The following FSIP2 variants were observed in gnomAD, a reference collection of about 807,000 sequenced individuals.
The protein encoded by FSIP2 is fibrous sheath interacting protein 2, also known as fibrous sheath-interacting protein 2.
Under a neutral mutation model 510.5 loss-of-function variants are expected in FSIP2, and 367 were observed. The ratio of observed to expected loss-of-function variants is 0.72; its 90% CI spans 0.66 to 0.78. The LOEUF (loss-of-function observed/expected upper bound fraction) is 0.78. Ranked by LOEUF, FSIP2 falls within the 30% of genes least tolerant of loss-of-function variation. The probability of loss-of-function intolerance (pLI) is 0.00; values close to 1 mark genes in which losing one functional copy is unlikely to be tolerated. For synonymous variants in FSIP2, 2,601 were observed against 2,732.2 expected (o/e 0.95, Z 1.50); for missense variants, 7,594 against 7,901.7 (o/e 0.96, Z 1.48).
rs1486089590 is a variant in FSIP2, at chr2:185,800,099, G to A, written c.10793G>A (p.Gly3598Asp). The A allele has an allele frequency of 6.5e-7, 1 of 1,533,966 alleles. No individual in the cohort carries two copies. The highest frequency in any genetic ancestry group is 1.4e-5 in the African/African-American group (1 of 72,988). Reference sequence around the variant, plus strand: ...ACTTACTGTCCAGGAATAGTTTCTGGTGGCTTTGATGACCTCTTTCAGGAT... The same window carrying A: ...ACTTACTGTCCAGGAATAGTTTCTGATGGCTTTGATGACCTCTTTCAGGAT... The part of the protein sequence containing the change: ...KYTYCPGIVS[G>D]GFDDLFQDLL... Residue 3598 changes from glycine to aspartate, a missense_variant, in exon 17 of 23, where the codon GGT becomes GAT. By Grantham distance (94) the Gly-to-Asp change is moderately conservative. Coordinates refer to ENST00000424728, the MANE Select transcript of FSIP2 (RefSeq NM_173651.4).
chr2:185,802,196 A>C lies in FSIP2; in HGVS notation c.12890A>C (p.Lys4297Thr), dbSNP rs1227763824. 1 of 1,533,470 alleles carries C rather than the reference A, an allele frequency of 6.5e-7. No individual in the cohort carries two copies. Among genetic ancestry groups the C allele is most frequent in the Non-Finnish European group, 8.7e-7 (1 of 1,145,256 alleles). The allele number at this position is 1,533,470 out of a possible 1,614,324, so 95.0% of individuals were successfully genotyped here. Reference sequence around the variant, plus strand: ...GTGATAGAGTCACACAGACCTCAGAAGCAATCACCTTTAGATATTCACCTT... The same window carrying C: ...GTGATAGAGTCACACAGACCTCAGACGCAATCACCTTTAGATATTCACCTT... ...SEVIESHRPQ[K>T]QSPLDIHLDS... Residue 4297 changes from lysine (K) to threonine (T), a missense_variant, in exon 17 of 23, where the codon AAG (lysine) becomes ACG (threonine). Coordinates refer to ENST00000424728, the MANE Select transcript of FSIP2 (RefSeq NM_173651.4).
At position 185,794,182 on chromosome 2, in the gene FSIP2, A is replaced by G; in HGVS notation, c.7046A>G (p.Lys2349Arg). The change falls in exon 16 of 23, where the codon AAG (lysine) becomes AGG (arginine). Residue 2349 changes from lysine (K) to arginine (R), a missense_variant. Lys to Arg is a conservative substitution (Grantham distance 26). Coordinates refer to ENST00000424728, the MANE Select transcript of FSIP2 (RefSeq NM_173651.4). ...STIHLSQARLKTYADVIASAI... is the reference protein window; with the variant it reads ...STIHLSQARLRTYADVIASAI... ...ATTCACCTATCGCAAGCTAGGCTTA[A>G]GACATATGCTGACGTCATTGCCAGT... The G allele has an allele frequency of 6.5e-7, 1 of 1,534,706 alleles. No individual in the cohort carries two copies. The highest frequency in any genetic ancestry group is 2.4e-5 in the East Asian group (1 of 40,844).
intron 19 of FSIP2, 89 bp downstream of exon 19, chr2:185,815,560 G>A (rs1693810811): frequency 1.8e-6 from 1 of 561,310 alleles, no homozygotes; most frequent in Non-Finnish European, 3.2e-6. Flanking sequence ...CTGTAATTGA[G>A]CAAGTATTTA....
Position 185,788,979 on chromosome 2 carries a change from T to G in FSIP2, c.1843T>G (p.Cys615Gly). ...GGAAAAAACAGTTGTGGGGAAAACA[T>G]GTCACATAAAAGGACAATCTATAAT... ...HVEKTVVGKT[C>G]HIKGQSIISK... Residue 615 changes from cysteine to glycine, a missense_variant, in exon 16 of 23, where the codon TGT becomes GGT. Cys to Gly is a radical substitution (Grantham distance 159, BLOSUM62 -3). Transcript: ENST00000424728. 6.5e-7 allele frequency: 1 copy of G among 1,534,646 alleles called. No homozygotes were observed. The highest frequency in any genetic ancestry group is 8.7e-7 in the Non-Finnish European group (1 of 1,145,826).
At chr2:185,785,429 G>A (rs1039469338) in intron 14 of FSIP2, among the ~76,000 whole-genome samples, 23 of 151,980 alleles carry the variant, frequency 1.5e-4, no homozygotes, top group African/African-American at 5.6e-4. Context: ...ATATCCCTAG[G>A]GGGAAATGTA....
Position 185,806,850 on chromosome 2 carries a change from G to A in FSIP2, c.17544G>A (p.Arg5848=). Residue 5848 remains arginine (R), a synonymous_variant, in exon 17 of 23, where the codon AGG becomes AGA. Transcript: ENST00000424728. Reference sequence around the variant, plus strand: ...CAGATGCTCAAATTAAGGTTTTCAGGCCAGATAAGGGAAATCAGTTCCCTG... The same window carrying A: ...CAGATGCTCAAATTAAGGTTTTCAGACCAGATAAGGGAAATCAGTTCCCTG... The part of the protein sequence containing the change: ...EFSDAQIKVF[R]PDKGNQFPGG... The A allele has an allele frequency of 1.2e-6, 2 of 1,609,646 alleles. No homozygotes were observed. The highest frequency in any genetic ancestry group is 1.7e-6 in the Non-Finnish European group (2 of 1,178,158).
At position 185,753,767 on chromosome 2, in the gene FSIP2, A is replaced by G. The variant is rs9808218; in HGVS notation, c.916A>G (p.Met306Val). The stretch of plus-strand genomic sequence containing the variant: ...AAAAATGGCTTATCATTTACAAAAA[A>G]TGCAAGATACTGGCTTTAACGGAGA... ...EKKMAYHLQKMQDTGFNGEDI... is the reference protein window; with the variant it reads ...EKKMAYHLQKVQDTGFNGEDI... The change falls in exon 8 of 23, where the codon ATG becomes GTG. Residue 306 changes from methionine to valine, a missense_variant. Physicochemically the swap from Met to Val is conservative, Grantham distance 21 (BLOSUM62 1). Coordinates refer to ENST00000424728, the MANE Select transcript of FSIP2 (RefSeq NM_173651.4). The G allele has an allele frequency of 1.4e-3, 2,001 of 1,423,236 alleles. 25 individuals are homozygous for G. In the African/African-American group the frequency reaches 0.024, roughly 17 times the overall value. 88.2% of individuals were successfully genotyped at this position (1,423,236 alleles called of 1,614,324 possible).
In FSIP2 at chr2:185,805,511, G is replaced by A; in HGVS notation, c.16205G>A (p.Trp5402Ter). 1 of 1,611,454 alleles carries A rather than the reference G, an allele frequency of 6.2e-7. No individual in the cohort carries two copies. The highest frequency in any genetic ancestry group is 8.5e-7 in the Non-Finnish European group (1 of 1,178,386). ...FRIQPLFSGD[W>*]SSTFFSFLNP... ...ATTCAACCACTTTTTTCAGGAGACTGGTCTTCCACCTTCTTTTCATTTCTA... is the reference window on the plus strand; with the variant it reads ...ATTCAACCACTTTTTTCAGGAGACTAGTCTTCCACCTTCTTTTCATTTCTA... The change falls in exon 17 of 23, where the codon TGG (tryptophan) becomes TAG (stop). Residue 5402 changes from tryptophan to a stop codon, truncating the protein, a stop_gained. Coordinates refer to ENST00000424728, the MANE Select transcript of FSIP2 (RefSeq NM_173651.4). LOFTEE classifies it high-confidence loss of function.
At position 185,805,235 on chromosome 2, in the gene FSIP2, G is replaced by A; in HGVS notation, c.15929G>A (p.Gly5310Asp). ...KNEMAELDIM[G>D]LALKLANSLI... ...GAAATGGCAGAGCTAGATATTATGG[G>A]CTTGGCTCTAAAACTTGCAAATTCT... Residue 5310 changes from glycine (G) to aspartate (D), a missense_variant, in exon 17 of 23, where the codon GGC becomes GAC. Coordinates refer to ENST00000424728, the MANE Select transcript of FSIP2 (RefSeq NM_173651.4). 1.9e-6 allele frequency: 3 copies of A among 1,595,790 alleles called. No individual in the cohort carries two copies. The highest frequency in any genetic ancestry group is 2.6e-6 in the Non-Finnish European group (3 of 1,173,386).
chr2:185,799,911 T>G lies in FSIP2; in HGVS notation c.10605T>G (p.Phe3535Leu), dbSNP rs767059846. The change falls in exon 17 of 23, where the codon TTT becomes TTG. Residue 3535 changes from phenylalanine (F) to leucine (L), a missense_variant. By Grantham distance (22) the Phe-to-Leu change is conservative. Coordinates refer to ENST00000424728, the MANE Select transcript of FSIP2 (RefSeq NM_173651.4). ...CATGGGAAATTCAAGAAGCAACATT[T>G]AGCAAGATTATTTCAATTCATTCTC... The part of the protein sequence containing the change: ...EKAWEIQEAT[F>L]SKIISIHSQV... 6.5e-7 allele frequency: 1 copy of G among 1,533,904 alleles called. No homozygotes were observed.
rs530482493 is a variant in FSIP2, at chr2:185,801,516, C to T, written c.12210C>T (p.Tyr4070=). 8.9e-5 allele frequency: 137 copies of T among 1,532,920 alleles called. 1 individual carries two copies. The highest frequency in any genetic ancestry group is 1.9e-4 in the South Asian group (16 of 83,954). The allele number at this position is 1,532,920 out of a possible 1,614,324, so 95.0% of individuals were successfully genotyped here. ...LKVACGNNPV[Y]DNASIAEQIT... ...TGGCCTGTGGTAATAATCCGGTATA[C>T]GACAATGCCTCAATAGCAGAACAAA... The change falls in exon 17 of 23, where the codon TAC becomes TAT. Residue 4070 remains tyrosine (Y), a synonymous_variant. Coordinates refer to ENST00000424728, the MANE Select transcript of FSIP2 (RefSeq NM_173651.4).
intron 19 of FSIP2, among the ~76,000 whole-genome samples, 196 bp from the exon 20 acceptor site, chr2:185,824,238 A>T (rs1357530563): frequency 6.6e-6 from 1 of 151,902 alleles, no homozygotes; most frequent in Non-Finnish European, 1.5e-5. Flanking sequence ...TGTAAATTTA[A>T]TGTATGTATA....
rs1559027818 is a variant in FSIP2 at position 185,793,300 on chromosome 2, GTGACAAAAACAGTTC to G, written c.6172_6186del (p.Asn2058_Lys2062del). The G allele has an allele frequency of 6.5e-7, 1 of 1,534,206 alleles. No individual in the cohort carries two copies. Among genetic ancestry groups the G allele is most frequent in the Non-Finnish European group, 8.7e-7 (1 of 1,145,600 alleles). On this transcript the variant is annotated inframe_deletion, in exon 16 of 23. Coordinates refer to ENST00000424728, the MANE Select transcript of FSIP2 (RefSeq NM_173651.4). Reference sequence around the variant, plus strand: ...GACATTATATCACGTAAAGGCAAATGTGACAAAAACAGTTCTGACAAAGAGATCGATTTAGATCAG... The same window carrying G: ...GACATTATATCACGTAAAGGCAAATGTGACAAAGAGATCGATTTAGATCAG...
Position 185,793,583 on chromosome 2 carries a change from A to G in FSIP2, c.6447A>G (p.Lys2149=), listed in dbSNP as rs556000647. 2.0e-6 allele frequency: 3 copies of G among 1,534,262 alleles called. No individual in the cohort carries two copies. Among genetic ancestry groups the G allele is most frequent in the Non-Finnish European group, 2.6e-6 (3 of 1,145,654 alleles). The change falls in exon 16 of 23, where the codon AAA becomes AAG. Residue 2149 remains lysine (K), a synonymous_variant. Transcript: ENST00000424728. ...TTATTCCTAAGCTTTCAGTTCCTAAATCAGATGTCATTTTGATATCCAATG... is the reference window on the plus strand; with the variant it reads ...TTATTCCTAAGCTTTCAGTTCCTAAGTCAGATGTCATTTTGATATCCAATG... The part of the protein sequence containing the change: ...NKIIPKLSVP[K]SDVILISNDI...
At chr2:185,783,009 A>G (rs913546406) in intron 14 of FSIP2, among the ~76,000 whole-genome samples, 3 of 152,110 alleles carry the variant, frequency 2.0e-5, no homozygotes, top group Admixed American at 1.3e-4. Flanking sequence ...GCCACTTTCA[A>G]GTGTATCCGC....
In FSIP2 at chr2:185,788,775, G is replaced by T. The variant is rs200379609; in HGVS notation, c.1639G>T (p.Asp547Tyr). 2.0e-6 allele frequency: 3 copies of T among 1,534,310 alleles called. No individual in the cohort carries two copies. In the African/African-American group the frequency reaches 4.1e-5, roughly 21 times the overall value. The change falls in exon 16 of 23, where the codon GAT (aspartate) becomes TAT (tyrosine). Residue 547 changes from aspartate (D) to tyrosine (Y), a missense_variant. By Grantham distance (160) the Asp-to-Tyr change is radical. Transcript: ENST00000424728. ...GCAAAATAATACATACCCAGTATCT[G>T]ATGACTCCATCCTCTCTTCAGATAG... ...RLQNNTYPVS[D>Y]DSILSSDSSS...
Position 185,802,499 on chromosome 2 carries a change from GT to G in FSIP2, c.13194del (p.Ser4398ArgfsTer11). ...DLAVDKESED[S>X]GIFVENITNL... The stretch of plus-strand genomic sequence containing the variant: ...GCTGTTGATAAAGAGTCTGAAGACA[GT>G]GGCATTTTTGTGGAAAATATTACCA... On this transcript the variant is annotated frameshift_variant, in exon 17 of 23. Coordinates refer to ENST00000424728, the MANE Select transcript of FSIP2 (RefSeq NM_173651.4). LOFTEE classifies it high-confidence loss of function. 8 of 1,532,706 alleles carry G rather than the reference GT, an allele frequency of 5.2e-6. No homozygotes were observed. The highest frequency in any genetic ancestry group is 7.0e-6 in the Non-Finnish European group (8 of 1,145,030). The allele number at this position is 1,532,706 out of a possible 1,614,324, so 94.9% of individuals were successfully genotyped here.
At chr2:185,833,008 T>G in intron 22 of FSIP2, 82 bp from the exon 23 acceptor site, 3 of 1,227,316 alleles carry the variant, frequency 2.4e-6, no homozygotes, top group South Asian at 2.6e-5. Flanking sequence ...GGCCACCTTT[T>G]ACTCATATGA....
chr2:185,767,265 A>C (rs1277812383), intron 13 of FSIP2, among the ~76,000 whole-genome samples: 4 of 150,810 alleles, frequency 2.7e-5, no homozygotes, highest in Non-Finnish European at 5.9e-5. Context: ...ACATGTATAC[A>C]TATGTAACTA....
Sources: allele counts gnomAD v4.1 joint callset (sites outside exome capture counted in the v4.1 genomes callset), GRCh38; gene constraint gnomAD v4.1.1; transcripts MANE v1.5; gene names NCBI Gene and HGNC (gene_info 2026-07-23, HGNC 2026-07-21).